PDE4DIP: variants seen among roughly 807,000 people sequenced by gnomAD.
PDE4DIP encodes myomegalin.
Under a neutral mutation model 221.4 loss-of-function variants are expected in PDE4DIP, and 59 were observed. The observed-to-expected ratio is 0.27, with a 90% confidence interval of 0.22 to 0.33. The LOEUF is 0.33. Among genes scored for constraint, PDE4DIP ranks in the 10% least tolerant of loss-of-function variants. The pLI, the probability that PDE4DIP is intolerant of heterozygous loss-of-function variation, is 1.00. For synonymous variants in PDE4DIP, 404 were observed against 815.9 expected (o/e 0.50, Z 8.60); for missense variants, 1,036 against 2,154.2 (o/e 0.48, Z 10.28).
intron 37 of PDE4DIP, among the ~76,000 whole-genome samples, chr1:149,024,009 A>G (rs1460365917): frequency 2.0e-5 from 3 of 151,510 alleles, no homozygotes; most frequent in Non-Finnish European, 4.4e-5. Flanking sequence ...TGCCCAACTC[A>G]CATTCTCACA....
intron 14 of PDE4DIP, among the ~76,000 whole-genome samples, chr1:148,969,855 C>T (rs1553523465): frequency 6.6e-6 from 1 of 151,954 alleles, no homozygotes; most frequent in Admixed American, 6.6e-5. Flanking sequence ...TACAGGCATG[C>T]ACCACCATGC....
chr1:148,958,881 A>T (rs1244805411), intron 5 of PDE4DIP, among the ~76,000 whole-genome samples: 36 of 152,294 alleles, frequency 2.4e-4, no homozygotes, highest in African/African-American at 8.7e-4. Flanking sequence ...TTTCTACTGG[A>T]GAGTGCTATT....
intron 23 of PDE4DIP, among the ~76,000 whole-genome samples, chr1:148,999,867 C>T (rs1445367837): frequency 6.6e-6 from 1 of 151,660 alleles, no homozygotes; most frequent in South Asian, 2.1e-4. Context: ...GAATCTAATG[C>T]ATTGTTCTTC....
At chr1:148,893,134 A>G in intron 1 of PDE4DIP, among the ~76,000 whole-genome samples, 1 of 121,702 alleles carries the variant, frequency 8.2e-6, no homozygotes, top group African/African-American at 3.3e-5. Flanking sequence ...TTTGGCAGAG[A>G]TTGAGGTCTC....
rs71244884 is a variant in PDE4DIP at position 149,021,323 on chromosome 1, C to G, written c.6085+170C>G. 4,475 of 606,554 alleles carry G rather than the reference C, an allele frequency of 7.4e-3. 34 individuals carry two copies. Among genetic ancestry groups the G allele is most frequent in the South Asian group, 0.042 (1,662 of 40,030 alleles). The allele number at this position is 606,554 out of a possible 1,614,324, so 37.6% of individuals were successfully genotyped here. A position where few individuals can be genotyped will look rare whatever the true frequency, so the allele number is the denominator to read the frequency against. ...AGGAGCTCTCAAACACAAAGCCCAA[C>G]GGGACAGGTTGGTGGCACGAGCAAG... On this transcript the variant is annotated intron_variant, in intron 37 of 43. Coordinates refer to ENST00000369354, the Ensembl canonical transcript of PDE4DIP.
chr1:148,846,444 CAAAAAAAAAA>C (rs143812422), intron 1 of PDE4DIP, among the ~76,000 whole-genome samples: 2 of 3,528 alleles, frequency 5.7e-4, no homozygotes, highest in Non-Finnish European at 8.8e-4. Context: ...AACTCCGCCT[CAAAAAAAAAA>C]AAAAAAAAAA....
chr1:148,979,689 G>A (rs1553540472), intron 19 of PDE4DIP, 48 bp from the exon 23 acceptor site: 3 of 1,546,224 alleles, frequency 1.9e-6, no homozygotes, highest in Middle Eastern at 1.7e-4. Flanking sequence ...TCTTATTCAT[G>A]TCTCACTGTG....
intron 9 of PDE4DIP, among the ~76,000 whole-genome samples, chr1:148,963,980 G>A (rs1361730735): frequency 4.6e-5 from 7 of 150,942 alleles, no homozygotes; most frequent in East Asian, 1.9e-4. Flanking sequence ...GGATGGTCTC[G>A]ATGTCCTGAC....
In PDE4DIP at chr1:148,861,386, C is replaced by A. The variant is rs1684052774; in HGVS notation, c.234-1864C>A. Among the ~76,000 whole-genome samples, 8 of 19,426 alleles carry A rather than the reference C, an allele frequency of 4.1e-4. No individual in the cohort carries two copies. The South Asian group carries it at 0.011, about 26-fold the overall frequency. The allele number at this position is 19,426 out of a possible 152,430, so 12.7% of individuals were successfully genotyped here. ...GGGCGCAGTGGCTCATGCCTGTAAC[C>A]TCTGCACTTTGGGAGGCCGAGGCGG... On this transcript the variant is annotated intron_variant, in intron 1 of 45. Transcript: ENST00000524974.
In PDE4DIP at chr1:149,024,627, AT is replaced by A; in HGVS notation, c.6270del (p.Asn2091ThrfsTer31). ...CAAAGCCAGCCTCAGCCCCTCCTCC[AT>A]TAACCAGAACTTCCCAGCCAGCACT... On this transcript the variant is annotated frameshift_variant, in exon 38 of 44. Coordinates refer to ENST00000369354, the Ensembl canonical transcript of PDE4DIP. LOFTEE classifies it high-confidence loss of function. 1 of 686,986 alleles carries A rather than the reference AT, an allele frequency of 1.5e-6. No homozygotes were observed. The highest frequency in any genetic ancestry group is 1.8e-5 in the South Asian group (1 of 54,326). 42.6% of individuals were successfully genotyped at this position (686,986 alleles called of 1,614,324 possible). A position where few individuals can be genotyped will look rare whatever the true frequency, so the allele number is the denominator to read the frequency against.
At chr1:148,955,954 T>A (rs1169739393) in intron 5 of PDE4DIP, among the ~76,000 whole-genome samples, 1 of 151,970 alleles carries the variant, frequency 6.6e-6, no homozygotes, top group Non-Finnish European at 1.5e-5. Context: ...TAATTTAGGA[T>A]GTCAGGGAAA....
At chr1:148,999,878 C>T (rs2065203787) in intron 23 of PDE4DIP, among the ~76,000 whole-genome samples, 1 of 151,188 alleles carries the variant, frequency 6.6e-6, no homozygotes, top group Non-Finnish European at 1.5e-5. Context: ...ATTGTTCTTC[C>T]TTTCAAGAAG....
At chr1:148,936,971 A>G (rs1417696525) in intron 4 of PDE4DIP, among the ~76,000 whole-genome samples, 2 of 152,254 alleles carry the variant, frequency 1.3e-5, no homozygotes, top group Non-Finnish European at 2.9e-5. Context: ...TAGAAAGAGT[A>G]CACTCTAAAA....
At chr1:149,028,954 G>T (rs1228242842) in intron 41 of PDE4DIP, among the ~76,000 whole-genome samples, 1 of 152,092 alleles carries the variant, frequency 6.6e-6, no homozygotes, top group African/African-American at 2.4e-5. Context: ...GAAGATGAAG[G>T]GGTGTGAAGA....
chr1:148,996,745 G>A (rs2064317457), intron 22 of PDE4DIP, among the ~76,000 whole-genome samples: 2 of 152,176 alleles, frequency 1.3e-5, no homozygotes, highest in Non-Finnish European at 2.9e-5. Flanking sequence ...CAGCAGCTCT[G>A]TCAGTCGTTG....
intron 17 of PDE4DIP, among the ~76,000 whole-genome samples, chr1:148,975,081 G>A (rs185173922): frequency 7.0e-6 from 1 of 143,028 alleles, no homozygotes; most frequent in Non-Finnish European, 1.5e-5. Flanking sequence ...TCAGGCAGGA[G>A]AATCACTTGA....
chr1:148,927,429 TC>T (rs1432039262), intron 1 of PDE4DIP, among the ~76,000 whole-genome samples: 3 of 152,010 alleles, frequency 2.0e-5, no homozygotes, highest in Non-Finnish European at 4.4e-5. Context: ...TAAGTAACTC[TC>T]AAATATCTAA....
intron 38 of PDE4DIP, among the ~76,000 whole-genome samples, chr1:149,025,430 T>C (rs587716588): frequency 1.4e-4 from 22 of 152,172 alleles, no homozygotes; most frequent in Non-Finnish European, 2.2e-4. Flanking sequence ...TTATTTCGGG[T>C]GGTCATCATT....
At chr1:148,995,300 A>ACATAT (rs1553563788) in intron 22 of PDE4DIP, among the ~76,000 whole-genome samples, 1 of 148,934 alleles carries the variant, frequency 6.7e-6, no homozygotes, top group Non-Finnish European at 1.5e-5. Context: ...ATTATCTCTA[A>ACATAT]CATATCATTC....
Sources: allele counts gnomAD v4.1 joint callset (sites outside exome capture counted in the v4.1 genomes callset), GRCh38; gene constraint gnomAD v4.1.1; transcripts MANE v1.5; gene names NCBI Gene and HGNC (gene_info 2026-07-23, HGNC 2026-07-21).